RARB: variants seen among roughly 807,000 people sequenced by gnomAD.
RARB encodes the protein retinoic acid receptor beta.
RARB carries 17 observed loss-of-function variants against 51.9 expected under a neutral mutation model. The ratio of observed to expected loss-of-function variants is 0.33; its 90% CI spans 0.22 to 0.49. The LOEUF (loss-of-function observed/expected upper bound fraction) is 0.49, where lower values mean the gene tolerates loss of function less well. Ranked by LOEUF, RARB falls within the 20% of genes least tolerant of loss-of-function variation. RARB has a pLI of 0.99. For missense variants in RARB, 369 were observed against 550.8 expected, an observed-to-expected ratio of 0.67 and a Z score of 3.30; for synonymous variants, 215 against 195.4, an observed-to-expected ratio of 1.10 and a Z score of -0.84.
At chr3:25,088,378 G>T (rs563092572) in intron 3 of RARB, among the ~76,000 whole-genome samples, 4 of 152,224 alleles carry the variant, frequency 2.6e-5, no homozygotes, top group African/African-American at 9.6e-5. Context: ...AATTTGCCGT[G>T]AACGCCCTTG....
intron 1 of RARB, among the ~76,000 whole-genome samples, chr3:25,446,073 G>A (rs1258580905): frequency 1.3e-5 from 2 of 152,188 alleles, no homozygotes; most frequent in Admixed American, 6.5e-5. Flanking sequence ...TGTATTTATG[G>A]CGGACATATT....
chr3:25,057,110 G>A (rs749414024), intron 2 of RARB, among the ~76,000 whole-genome samples: 25 of 152,078 alleles, frequency 1.6e-4, no homozygotes, highest in Admixed American at 6.6e-5. Flanking sequence ...CAGTCTTGAA[G>A]CTTATGGGCT....
intron 5 of RARB, among the ~76,000 whole-genome samples, chr3:25,332,237 G>C (rs1159780572): frequency 6.6e-6 from 1 of 152,152 alleles, no homozygotes; most frequent in Non-Finnish European, 1.5e-5. Context: ...GAGAATTGTA[G>C]ACCAATATCC....
chr3:25,000,427 A>C (rs1697134707), intron 2 of RARB, among the ~76,000 whole-genome samples: 1 of 152,090 alleles, frequency 6.6e-6, no homozygotes, highest in African/African-American at 2.4e-5. Flanking sequence ...TCTCCTACTT[A>C]CTTACAGAGA....
intron 5 of RARB, among the ~76,000 whole-genome samples, chr3:25,365,667 G>A (rs1706095706): frequency 6.6e-6 from 1 of 152,088 alleles, no homozygotes; most frequent in South Asian, 2.1e-4. Flanking sequence ...ATCACATGAA[G>A]GATTATTCAT....
chr3:25,005,398 A>T (rs1697248637), intron 2 of RARB, among the ~76,000 whole-genome samples: 1 of 152,182 alleles, frequency 6.6e-6, no homozygotes, highest in African/African-American at 2.4e-5. Context: ...GCTGTCAGCT[A>T]GGACTGAAGG....
At chr3:25,504,811 G>C (rs1697499278) in intron 3 of RARB, among the ~76,000 whole-genome samples, 3 of 142,858 alleles carry the variant, frequency 2.1e-5, no homozygotes, top group Non-Finnish European at 4.5e-5. Context: ...AGGCTGGAGT[G>C]CAGTGGCGTG....
At chr3:25,161,626 A>C (rs1172219652) in intron 4 of RARB, among the ~76,000 whole-genome samples, 1 of 152,150 alleles carries the variant, frequency 6.6e-6, no homozygotes. Flanking sequence ...ACAAATGTAA[A>C]ACACTCATCA....
At chr3:25,221,351 A>G (rs1394553243) in intron 5 of RARB, among the ~76,000 whole-genome samples, 2 of 152,232 alleles carry the variant, frequency 1.3e-5, no homozygotes, top group Non-Finnish European at 2.9e-5. Context: ...CTACTAAGGT[A>G]GCTTTATGTC....
chr3:24,865,834 G>A (rs902129491), intron 2 of RARB, among the ~76,000 whole-genome samples: 1 of 152,104 alleles, frequency 6.6e-6, no homozygotes, highest in Admixed American at 6.5e-5. Flanking sequence ...GGTTATTGTG[G>A]CTTTGACCTA....
At chr3:25,459,614 G>C (rs1695071962) in intron 1 of RARB, among the ~76,000 whole-genome samples, 1 of 152,296 alleles carries the variant, frequency 6.6e-6, no homozygotes, top group Admixed American at 6.5e-5. Context: ...CAGCAGTTGT[G>C]AGAGGCGATG....
At chr3:25,051,252 G>A (rs1698326597) in intron 2 of RARB, among the ~76,000 whole-genome samples, 3 of 152,118 alleles carry the variant, frequency 2.0e-5, no homozygotes, top group Admixed American at 6.6e-5. Flanking sequence ...AGTAATACAT[G>A]TATGGGGGAG....
chr3:25,346,515 C>G (rs531712533), intron 5 of RARB, among the ~76,000 whole-genome samples: 163 of 143,284 alleles, frequency 1.1e-3, no homozygotes, highest in African/African-American at 4.5e-3. Flanking sequence ...CTCCCTGTTT[C>G]CTGTATGTCT....
chr3:25,162,228 C>T (rs1700485156), intron 4 of RARB, among the ~76,000 whole-genome samples: 1 of 152,170 alleles, frequency 6.6e-6, no homozygotes, highest in Non-Finnish European at 1.5e-5. Flanking sequence ...ATCAACCTCT[C>T]AAGTAGCTAA....
At chr3:25,054,749 C>CTTTT (rs1698404497) in intron 2 of RARB, among the ~76,000 whole-genome samples, 2 of 152,040 alleles carry the variant, frequency 1.3e-5, no homozygotes, top group South Asian at 4.1e-4. Flanking sequence ...GCTGTTTTGC[C>CTTTT]AAAGGCCAGA....
intron 1 of RARB, among the ~76,000 whole-genome samples, chr3:25,460,428 T>TTTTATTTATTTA (rs58159674): frequency 0.11 from 16,276 of 145,576 alleles, 1,140 homozygotes; most frequent in Middle Eastern, 0.19. Flanking sequence ...ATTTTAAAAT[T>TTTTATTTATTTA]TTTATTTATT....
rs530163019 is a variant in RARB at position 24,881,735 on chromosome 3, A to G, written c.-380+22983A>G. ...CCAAGAATGTCAAAATAAGAGCACA[A>G]TGATGGCTGTGGCAGGTGGTAGCCC... On this transcript the variant is annotated intron_variant, in intron 2 of 11. Coordinates refer to the RARB transcript ENST00000383772. Among the ~76,000 whole-genome samples the G allele has an allele frequency of 1.3e-4, 20 of 152,346 alleles. No individual in the cohort carries two copies. The South Asian group carries it at 1.4e-3, about 11-fold the overall frequency.
chr3:24,946,518 A>C (rs1167762039), intron 2 of RARB, among the ~76,000 whole-genome samples: 1 of 151,962 alleles, frequency 6.6e-6, no homozygotes. Context: ...AGATGTTTCT[A>C]CTATAACATA....
At chr3:25,252,153 A>T (rs533368916) in intron 5 of RARB, among the ~76,000 whole-genome samples, 1 of 152,262 alleles carries the variant, frequency 6.6e-6, no homozygotes, top group East Asian at 1.9e-4. Flanking sequence ...ACCCTTGTCA[A>T]AATCATTTGA....
Sources: allele counts gnomAD v4.1 joint callset (sites outside exome capture counted in the v4.1 genomes callset), GRCh38; gene constraint gnomAD v4.1.1; transcripts MANE v1.5; gene names NCBI Gene and HGNC (gene_info 2026-07-23, HGNC 2026-07-21).